Variants in TSHZ2 observed in about 807,000 individuals in gnomAD.
The protein encoded by TSHZ2 is teashirt homolog 2.
Under a neutral mutation model 74.4 loss-of-function variants are expected in TSHZ2, and 21 were observed. The ratio of observed to expected loss-of-function variants is 0.28; its 90% CI spans 0.20 to 0.41. The LOEUF is 0.41. TSHZ2 is among the 10% of genes least tolerant of loss of function. The pLI, the probability that TSHZ2 is intolerant of heterozygous loss-of-function variation, is 1.00. For missense variants in TSHZ2, 1,244 were observed against 1,293.5 expected, an observed-to-expected ratio of 0.96 and a Z score of 0.59; for synonymous variants, 540 against 515.3, an observed-to-expected ratio of 1.05 and a Z score of -0.65.
rs576956265 is a variant in TSHZ2, at chr20:53,039,889, C to G, written c.40+66556C>G. Among the ~76,000 whole-genome samples the G allele has an allele frequency of 7.2e-5, 11 of 152,196 alleles. No homozygotes were observed. In the East Asian group the frequency reaches 1.9e-3, roughly 27 times the overall value. On this transcript the variant is annotated intron_variant, in intron 1 of 2. Transcript: ENST00000371497. ...TTGGGAGGCCAAAGTGGGCGGATCACAAGGCCAGGAGATTGAGATCATCCT... is the reference window on the plus strand; with the variant it reads ...TTGGGAGGCCAAAGTGGGCGGATCAGAAGGCCAGGAGATTGAGATCATCCT...
intron 1 of TSHZ2, among the ~76,000 whole-genome samples, chr20:53,165,896 T>G (rs1988051963): frequency 6.6e-6 from 1 of 152,224 alleles, no homozygotes; most frequent in Admixed American, 6.5e-5. Context: ...CACTTAACAC[T>G]GAGCTCCTTT....
At chr20:53,427,369 G>A (rs1042574676) in intron 2 of TSHZ2, among the ~76,000 whole-genome samples, 3 of 152,180 alleles carry the variant, frequency 2.0e-5, no homozygotes, top group Non-Finnish European at 4.4e-5. Context: ...GGAGAGACGC[G>A]AGGTATGATT....
At chr20:53,140,445 C>A (rs929017794) in intron 1 of TSHZ2, among the ~76,000 whole-genome samples, 2 of 144,688 alleles carry the variant, frequency 1.4e-5, no homozygotes, top group Non-Finnish European at 3.0e-5. Flanking sequence ...GAGGCTGAGG[C>A]AGGAGAATGG....
chr20:53,495,101 A>C lies in TSHZ2; in HGVS notation c.*7966A>C, dbSNP rs1986548886. Reference sequence around the variant, plus strand: ...TTTGCAAATGGCTTCATTTCAGTCAACGTCGACTTCTGCTTTGGCCAATTG... The same window carrying C: ...TTTGCAAATGGCTTCATTTCAGTCACCGTCGACTTCTGCTTTGGCCAATTG... On this transcript the variant is annotated 3_prime_UTR_variant, in exon 3 of 3. Coordinates refer to ENST00000371497, the MANE Select transcript of TSHZ2 (RefSeq NM_173485.6). 1 of 152,132 alleles carries C rather than the reference A, an allele frequency of 6.6e-6. No individual in the cohort carries two copies. The highest frequency in any genetic ancestry group is 1.5e-5 in the Non-Finnish European group (1 of 68,038). 9.4% of individuals were successfully genotyped at this position (152,132 alleles called of 1,614,324 possible). A position where few individuals can be genotyped will look rare whatever the true frequency, so the allele number is the denominator to read the frequency against.
intron 1 of TSHZ2, among the ~76,000 whole-genome samples, chr20:53,137,319 A>G (rs1270963632): frequency 1.4e-5 from 2 of 140,430 alleles, no homozygotes; most frequent in Non-Finnish European, 3.1e-5. Context: ...TTTTCATTCT[A>G]AACACTGTGT....
chr20:53,078,712 T>C (rs1031496423), intron 1 of TSHZ2, among the ~76,000 whole-genome samples: 3 of 152,076 alleles, frequency 2.0e-5, no homozygotes, highest in Non-Finnish European at 2.9e-5. Context: ...CTGGCAGCAA[T>C]AGAGATGTAG....
chr20:53,046,606 T>C (rs1006919738), intron 1 of TSHZ2, among the ~76,000 whole-genome samples: 1 of 152,228 alleles, frequency 6.6e-6, no homozygotes, highest in East Asian at 1.9e-4. Context: ...TAAATTCATT[T>C]AGATTTCTGC....
At chr20:53,009,906 TTTTG>T (rs1274596392) in intron 1 of TSHZ2, among the ~76,000 whole-genome samples, 6 of 152,110 alleles carry the variant, frequency 3.9e-5, no homozygotes, top group African/African-American at 9.7e-5. Flanking sequence ...ACTCTGAGGA[TTTTG>T]TTTGTTTGTT....
chr20:53,312,962 T>A (rs1392874662), intron 2 of TSHZ2, among the ~76,000 whole-genome samples: 1 of 152,236 alleles, frequency 6.6e-6, no homozygotes, highest in Non-Finnish European at 1.5e-5. Context: ...TTATCCCATC[T>A]GGTTGTAAGT....
chr20:53,258,908 G>A (rs1990542944), intron 2 of TSHZ2, among the ~76,000 whole-genome samples: 2 of 152,182 alleles, frequency 1.3e-5, no homozygotes, highest in South Asian at 4.1e-4. Flanking sequence ...GGGCGTGTAT[G>A]TATGTTTTGT....
At chr20:53,027,040 CTAAT>C (rs556716389) in intron 1 of TSHZ2, among the ~76,000 whole-genome samples, 16 of 152,002 alleles carry the variant, frequency 1.1e-4, no homozygotes, top group Admixed American at 9.2e-4. Flanking sequence ...AAATAGTACT[CTAAT>C]GTACTCTAAT....
chr20:53,320,109 T>C (rs954792087), intron 2 of TSHZ2, among the ~76,000 whole-genome samples: 1 of 152,184 alleles, frequency 6.6e-6, no homozygotes, highest in South Asian at 2.1e-4. Flanking sequence ...TCATCATCAT[T>C]ATCATCGTTA....
chr20:52,997,935 A>G (rs1982267961), intron 1 of TSHZ2, among the ~76,000 whole-genome samples: 1 of 152,172 alleles, frequency 6.6e-6, no homozygotes, highest in African/African-American at 2.4e-5. Context: ...CAGCCTCAGC[A>G]TCTCCTAGGA....
intron 2 of TSHZ2, among the ~76,000 whole-genome samples, chr20:53,480,008 C>G (rs548065984): frequency 1.3e-5 from 2 of 151,560 alleles, no homozygotes; most frequent in Non-Finnish European, 2.9e-5. Context: ...GAGGACGAGG[C>G]GGGAGGATCA....
chr20:53,345,682 C>G (rs190523624), intron 2 of TSHZ2, among the ~76,000 whole-genome samples: 1 of 151,364 alleles, frequency 6.6e-6, no homozygotes, highest in Non-Finnish European at 1.5e-5. Context: ...CCCGCCCCCC[C>G]ATTCTGTTGA....
Position 53,494,287 on chromosome 20 carries a change from C to CA in TSHZ2, c.*7166dup, listed in dbSNP as rs753807167. On this transcript the variant is annotated 3_prime_UTR_variant, in exon 3 of 3. Coordinates refer to ENST00000371497, the MANE Select transcript of TSHZ2 (RefSeq NM_173485.6). ...TGGGCAACAGAGCAAGACTGTGTCTCAAAAAAAAAAAAAAGAATGGATTTT... is the reference window on the plus strand; with the variant it reads ...TGGGCAACAGAGCAAGACTGTGTCTCAAAAAAAAAAAAAAAGAATGGATTTT... The CA allele has an allele frequency of 0.12, 15,622 of 131,726 alleles. 2,070 individuals carry two copies. The highest frequency in any genetic ancestry group is 0.32 in the African/African-American group (11,928 of 36,902). The allele number at this position is 131,726 out of a possible 1,614,324, so 8.2% of individuals were successfully genotyped here.
chr20:53,385,666 C>T (rs547309472), intron 2 of TSHZ2, among the ~76,000 whole-genome samples: 122 of 152,160 alleles, frequency 8.0e-4, no homozygotes, highest in Non-Finnish European at 1.1e-3. Flanking sequence ...CCAGGGTTCC[C>T]AAGCCAAGCT....
At chr20:53,044,060 G>A (rs560284790) in intron 1 of TSHZ2, among the ~76,000 whole-genome samples, 1 of 152,228 alleles carries the variant, frequency 6.6e-6, no homozygotes, top group South Asian at 2.1e-4. Flanking sequence ...CCTGCTCACC[G>A]GGCATTCACA....
At chr20:53,026,949 G>A (rs1187697519) in intron 1 of TSHZ2, among the ~76,000 whole-genome samples, 1 of 151,814 alleles carries the variant, frequency 6.6e-6, no homozygotes, top group East Asian at 1.9e-4. Context: ...AGTTATTTAT[G>A]TATTTATGTT....
Sources: allele counts gnomAD v4.1 joint callset (sites outside exome capture counted in the v4.1 genomes callset), GRCh38; gene constraint gnomAD v4.1.1; transcripts MANE v1.5; gene names NCBI Gene and HGNC (gene_info 2026-07-23, HGNC 2026-07-21).